Variants in CLIC5 observed in about 807,000 individuals in gnomAD.
CLIC5 encodes the protein chloride intracellular channel protein 5.
A neutral mutation model predicts 24.7 loss-of-function variants in CLIC5; 20 were observed. That is an observed-to-expected ratio of 0.81 (90% CI 0.57 to 1.18). The LOEUF (loss-of-function observed/expected upper bound fraction) is 1.18, where lower values mean the gene tolerates loss of function less well. CLIC5 is among the 50% of genes most tolerant of loss of function. The pLI is 0.00. For missense variants in CLIC5, 341 were observed against 326.1 expected (o/e 1.05, Z -0.35); for synonymous variants, 159 against 135.6 (o/e 1.17, Z -1.20).
At chr6:46,020,136 C>T (rs7769622), upstream of CLIC5, among the ~76,000 whole-genome samples, 1,195 of 152,206 alleles carry the variant, frequency 7.9e-3, 15 homozygotes, top group African/African-American at 0.027. Flanking sequence ...ACACTATTGT[C>T]AGATATATAT....
intron 1 of CLIC5, among the ~76,000 whole-genome samples, chr6:46,060,620 A>G (rs780386486): frequency 2.6e-5 from 4 of 152,166 alleles, no homozygotes; most frequent in Non-Finnish European, 5.9e-5. Flanking sequence ...GCTTTGATCC[A>G]CTATGCTAAA....
intron 6 of CLIC5, chr6:45,881,327 A>G (rs1032979643): frequency 5.1e-6 from 2 of 393,664 alleles, no homozygotes; most frequent in African/African-American, 4.1e-5. Flanking sequence ...AAATCTTAAC[A>G]GCATTCATAA....
chr6:46,051,082 C>T (rs547286627), intron 1 of CLIC5, among the ~76,000 whole-genome samples: 3 of 152,290 alleles, frequency 2.0e-5, no homozygotes, highest in Admixed American at 6.5e-5. Flanking sequence ...GCCCCCATCT[C>T]TGAACTCTTA....
At chr6:46,030,533 T>G (rs1767468000) in intron 1 of CLIC5, among the ~76,000 whole-genome samples, 1 of 152,094 alleles carries the variant, frequency 6.6e-6, no homozygotes. Context: ...CCGCCCTTGC[T>G]CAAAACCCTT....
intron 1 of CLIC5, among the ~76,000 whole-genome samples, chr6:45,995,710 T>A (rs955076867): frequency 7.9e-5 from 12 of 152,200 alleles, no homozygotes; most frequent in Admixed American, 6.5e-4. Context: ...CCATTTATTT[T>A]TTTTCTAAAG....
At chr6:45,993,983 A>G (rs1453585678) in intron 1 of CLIC5, among the ~76,000 whole-genome samples, 1 of 152,234 alleles carries the variant, frequency 6.6e-6, no homozygotes, top group Non-Finnish European at 1.5e-5. Flanking sequence ...GTGTTAAGCT[A>G]AAGTTGGCTT....
At chr6:45,884,281 A>G (rs1227844142) in intron 6 of CLIC5, among the ~76,000 whole-genome samples, 4 of 152,220 alleles carry the variant, frequency 2.6e-5, no homozygotes, top group East Asian at 3.8e-4. Flanking sequence ...TCCCACAGGT[A>G]GGAGAAACCA....
Position 45,949,369 on chromosome 6 carries a change from GTCAGCTGGCTT to G in CLIC5, c.175_185del (p.Lys59ProfsTer25). 1 of 1,613,514 alleles carries G rather than the reference GTCAGCTGGCTT, an allele frequency of 6.2e-7. No homozygotes were observed. The highest frequency in any genetic ancestry group is 8.5e-7 in the Non-Finnish European group (1 of 1,179,680). ...GCGTGCCGGGGGCTAGGTTGTGCAG[GTCAGCTGGCTT>G]TCTGTAGAGAGAGCAAGATTCAGGT... On this transcript the variant is annotated frameshift_variant and splice_region_variant, in exon 3 of 6. Transcript: ENST00000339561. LOFTEE classifies it high-confidence loss of function.
In CLIC5 at chr6:46,080,103, T is replaced by A. The variant is rs200469830; in HGVS notation, c.140A>T (p.Tyr47Phe). The change falls in exon 1 of 6, where the codon TAT becomes TTT. Residue 47 changes from tyrosine to phenylalanine, a missense_variant. Physicochemically the swap from Tyr to Phe is conservative, Grantham distance 22. Transcript: ENST00000185206. ...CTCATGGGTATTCAGCTGAGTGGCA[T>A]ATAAATCATTTTCTGGCCTTAAGTA... The A allele has an allele frequency of 6.4e-6, 10 of 1,551,596 alleles. No homozygotes were observed. In the African/African-American group the frequency reaches 1.4e-4, roughly 21 times the overall value.
At chr6:45,894,193 A>T (rs1028043588), downstream of CLIC5, among the ~76,000 whole-genome samples, 3 of 152,252 alleles carry the variant, frequency 2.0e-5, no homozygotes, top group Non-Finnish European at 2.9e-5. Flanking sequence ...AAAATAATGC[A>T]TCTCAATACT....
chr6:45,950,250 T>A (rs1411792868), intron 2 of CLIC5, among the ~76,000 whole-genome samples: 2 of 152,176 alleles, frequency 1.3e-5, no homozygotes, highest in Non-Finnish European at 2.9e-5. Context: ...ATATTTTTAA[T>A]GGCTACATGA....
intron 1 of CLIC5, among the ~76,000 whole-genome samples, chr6:46,000,768 A>G (rs759398192): frequency 3.3e-5 from 5 of 152,114 alleles, no homozygotes; most frequent in Non-Finnish European, 7.4e-5. Flanking sequence ...GCATGGGGGA[A>G]ACAACCCCCA....
chr6:45,911,543 A>G (rs1195036776), intron 5 of CLIC5: 1 of 916,086 alleles, frequency 1.1e-6, no homozygotes, highest in African/African-American at 1.8e-5. Flanking sequence ...ATCAGAGTGG[A>G]TGAAAAGGGT....
At chr6:46,030,685 C>T (rs1438156120) in intron 1 of CLIC5, among the ~76,000 whole-genome samples, 5 of 152,144 alleles carry the variant, frequency 3.3e-5, no homozygotes, top group Non-Finnish European at 7.4e-5. Context: ...GCTTGATTTC[C>T]TACATGCACA....
At chr6:45,886,209 G>A (rs1316524873) in intron 6 of CLIC5, among the ~76,000 whole-genome samples, 1 of 152,320 alleles carries the variant, frequency 6.6e-6, no homozygotes, top group East Asian at 1.9e-4. Flanking sequence ...CACGTGGTGC[G>A]AAGGAGCAGA....
chr6:45,894,514 A>G (rs1055290078), downstream of CLIC5, among the ~76,000 whole-genome samples: 4 of 152,262 alleles, frequency 2.6e-5, no homozygotes, highest in Non-Finnish European at 4.4e-5. Flanking sequence ...GCATGGAAAG[A>G]TATTCATGAT....
upstream of CLIC5, among the ~76,000 whole-genome samples, chr6:46,020,530 G>A (rs997501273): frequency 3.3e-5 from 5 of 151,898 alleles, no homozygotes; most frequent in African/African-American, 1.2e-4. Flanking sequence ...AAAAAGAACA[G>A]CCAGCTAAAA....
At chr6:45,976,748 A>G (rs1243958351) in intron 1 of CLIC5, among the ~76,000 whole-genome samples, 1 of 152,236 alleles carries the variant, frequency 6.6e-6, no homozygotes, top group Non-Finnish European at 1.5e-5. Flanking sequence ...TAATCACTCC[A>G]GACTCTGTCT....
chr6:46,020,333 CA>C (rs1767140985), upstream of CLIC5, among the ~76,000 whole-genome samples: 1 of 152,076 alleles, frequency 6.6e-6, no homozygotes, highest in South Asian at 2.1e-4. Context: ...ATTCATTGAT[CA>C]ACAAGGAAGC....
Sources: allele counts gnomAD v4.1 joint callset (sites outside exome capture counted in the v4.1 genomes callset), GRCh38; gene constraint gnomAD v4.1.1; transcripts MANE v1.5; gene names NCBI Gene and HGNC (gene_info 2026-07-23, HGNC 2026-07-21).